PRKAR1B: variants seen among roughly 807,000 people sequenced by gnomAD.
The protein encoded by PRKAR1B is protein kinase cAMP-dependent type I regulatory subunit beta.
Under a neutral mutation model 46.5 loss-of-function variants are expected in PRKAR1B, and 22 were observed. The ratio of observed to expected loss-of-function variants is 0.47; its 90% CI spans 0.34 to 0.68. PRKAR1B has a LOEUF of 0.68. Among genes scored for constraint, PRKAR1B ranks in the 30% least tolerant of loss-of-function variants. The pLI is 0.01. For missense variants in PRKAR1B, 445 were observed against 535.6 expected, an observed-to-expected ratio of 0.83 and a Z score of 1.67; for synonymous variants, 259 against 217.7, an observed-to-expected ratio of 1.19 and a Z score of -1.67.
chr7:630,948 G>A (rs374818931), intron 4 of PRKAR1B, among the ~76,000 whole-genome samples: 4 of 148,162 alleles, frequency 2.7e-5, no homozygotes, highest in Non-Finnish European at 1.5e-5. Context: ...CAGCTGATTC[G>A]GATTTTTTTT....
At chr7:572,730 G>C (rs907371735) in intron 9 of PRKAR1B, among the ~76,000 whole-genome samples, 5 of 152,222 alleles carry the variant, frequency 3.3e-5, no homozygotes, top group Non-Finnish European at 7.4e-5. Context: ...GGGAGCAGGA[G>C]GCCCCAGGTG....
At chr7:703,645 G>A (rs1413043856) in intron 2 of PRKAR1B, among the ~76,000 whole-genome samples, 2 of 144,200 alleles carry the variant, frequency 1.4e-5, no homozygotes, top group Admixed American at 1.4e-4. Context: ...AACAGAGCAA[G>A]ACTCTGTCTC....
intron 2 of PRKAR1B, among the ~76,000 whole-genome samples, chr7:703,114 T>G (rs1401605445): frequency 6.6e-6 from 1 of 152,088 alleles, no homozygotes; most frequent in Non-Finnish European, 1.5e-5. Context: ...TGTATTAATA[T>G]CAGATAAAGC....
intron 7 of PRKAR1B, among the ~76,000 whole-genome samples, chr7:587,076 G>A (rs1289805799): frequency 1.3e-5 from 2 of 152,002 alleles, no homozygotes; most frequent in African/African-American, 4.8e-5. Flanking sequence ...TAGTAGAAAC[G>A]GGGTTTCACT....
intron 1 of PRKAR1B, among the ~76,000 whole-genome samples, chr7:717,070 C>T (rs1780907810): frequency 6.6e-6 from 1 of 152,178 alleles, no homozygotes; most frequent in Non-Finnish European, 1.5e-5. Context: ...GCAGGCAGAT[C>T]ACCTGAGGCC....
chr7:704,369 A>C (rs1355685973), intron 2 of PRKAR1B, among the ~76,000 whole-genome samples: 1 of 152,238 alleles, frequency 6.6e-6, no homozygotes, highest in Non-Finnish European at 1.5e-5. Context: ...CATCTCAGAA[A>C]ACCACCTCAG....
At chr7:588,750 GTGA>G (rs1554288356) in intron 7 of PRKAR1B, among the ~76,000 whole-genome samples, 4 of 7,746 alleles carry the variant, frequency 5.2e-4, no homozygotes, top group East Asian at 6.9e-3. Flanking sequence ...AGTGGTGATG[GTGA>G]TGGTGATGGT....
intron 4 of PRKAR1B, among the ~76,000 whole-genome samples, chr7:647,878 T>C (rs1028692213): frequency 6.6e-6 from 1 of 151,370 alleles, no homozygotes; most frequent in Non-Finnish European, 1.5e-5. Context: ...TGCTTCATTA[T>C]GGCCGGGCAT....
At chr7:703,405 G>A (rs1404977141) in intron 2 of PRKAR1B, among the ~76,000 whole-genome samples, 2 of 152,130 alleles carry the variant, frequency 1.3e-5, no homozygotes, top group Non-Finnish European at 2.9e-5. Flanking sequence ...CCACCACTTT[G>A]GGAGGTTGAG....
chr7:659,770 G>A (rs1358212128), intron 4 of PRKAR1B, among the ~76,000 whole-genome samples: 1 of 152,134 alleles, frequency 6.6e-6, no homozygotes, highest in Non-Finnish European at 1.5e-5. Flanking sequence ...GCAGTGGCGC[G>A]ATCTCGGCTC....
chr7:718,646 T>C (rs62432204), intron 1 of PRKAR1B, among the ~76,000 whole-genome samples: 127,559 of 151,912 alleles, frequency 0.84, 53,716 homozygotes, highest in South Asian at 0.9. Flanking sequence ...CGTGAGCCAC[T>C]GCACCTGACC....
intron 9 of PRKAR1B, among the ~76,000 whole-genome samples, chr7:553,762 C>T (rs1231413020): frequency 6.6e-6 from 1 of 152,252 alleles, no homozygotes; most frequent in African/African-American, 2.4e-5. Context: ...TCAGGAGACC[C>T]TGCTGGTGCC....
At chr7:554,996 G>T (rs970739561) in intron 9 of PRKAR1B, among the ~76,000 whole-genome samples, 2 of 152,190 alleles carry the variant, frequency 1.3e-5, no homozygotes, top group African/African-American at 4.8e-5. Flanking sequence ...GGGCACAGAG[G>T]CTGCCGTGGC....
chr7:586,771 C>G (rs569611043), intron 7 of PRKAR1B, among the ~76,000 whole-genome samples: 1 of 152,328 alleles, frequency 6.6e-6, no homozygotes, highest in South Asian at 2.1e-4. Flanking sequence ...AGATAGAAAA[C>G]TATAAACTCT....
chr7:687,676 A>G (rs1779164647), intron 2 of PRKAR1B, among the ~76,000 whole-genome samples: 1 of 152,206 alleles, frequency 6.6e-6, no homozygotes, highest in African/African-American at 2.4e-5. Flanking sequence ...GAATTTTCCT[A>G]AACTAATTAA....
At position 726,935 on chromosome 7, in the gene PRKAR1B, C is replaced by T. The variant is rs2128538232; in HGVS notation, c.-23+275G>A. On this transcript the variant is annotated intron_variant, in intron 1 of 10. Transcript: ENST00000537384. ...GCCGACCCCACCGCTTTCCAGGGCC[C>T]CTGGGCGCGCCTACTGCTGCCGCGC... is the stretch of plus-strand genomic sequence containing the variant. 1 of 1,340,972 alleles carries T rather than the reference C, an allele frequency of 7.5e-7. No individual in the cohort carries two copies. The highest frequency in any genetic ancestry group is 9.6e-7 in the Non-Finnish European group (1 of 1,042,924). 83.1% of individuals were successfully genotyped at this position (1,340,972 alleles called of 1,614,324 possible). A position where few individuals can be genotyped will look rare whatever the true frequency, so the allele number is the denominator to read the frequency against.
chr7:572,491 C>T (rs893261726), intron 9 of PRKAR1B, among the ~76,000 whole-genome samples: 1 of 152,232 alleles, frequency 6.6e-6, no homozygotes, highest in African/African-American at 2.4e-5. Context: ...GCCTCCATGG[C>T]GCCCAGCTCA....
chr7:602,380 TGAGGAG>T lies in PRKAR1B; in HGVS notation c.549+3807_549+3812del, dbSNP rs1188313433. Among the ~76,000 whole-genome samples, 5 of 150,810 alleles carry T rather than the reference TGAGGAG, an allele frequency of 3.3e-5. No homozygotes were observed. Among genetic ancestry groups the T allele is most frequent in the African/African-American group, 4.9e-5 (2 of 41,058 alleles). On this transcript the variant is annotated intron_variant, in intron 6 of 10. Coordinates refer to ENST00000537384, the MANE Select transcript of PRKAR1B (RefSeq NM_001164760.2). This position sits in a 1 kb window ranked among gnomAD's most constrained non-coding sequence, Gnocchi z 6.4. ...GGGGTGGGTGGGGATTCTGCGAGGA[TGAGGAG>T]GAGGAGGAGGAGGTCCCGCCAAGGT...
intron 9 of PRKAR1B, among the ~76,000 whole-genome samples, chr7:561,057 T>C (rs1778756029): frequency 6.6e-6 from 1 of 151,970 alleles, no homozygotes; most frequent in Non-Finnish European, 1.5e-5. Context: ...GATGCATATT[T>C]GTGCACGCAA....
Sources: gnomAD v4.1 joint callset for allele counts (sites outside exome capture counted in the v4.1 genomes callset) on GRCh38, gnomAD v4.1.1 for gene constraint, Gnocchi (gnomAD v3.1) non-coding constraint, MANE v1.5 for transcripts, NCBI Gene and HGNC (gene_info 2026-07-23, HGNC 2026-07-21) for gene names.